Variants in HDAC6 observed in about 807,000 individuals in gnomAD.
The protein encoded by HDAC6 is protein deacetylase HDAC6.
A neutral mutation model predicts 88.9 loss-of-function variants in HDAC6; 5 were observed. That is an observed-to-expected ratio of 0.06 (90% CI 0.03 to 0.12). HDAC6 has a LOEUF of 0.12. Among genes scored for constraint, HDAC6 ranks in the 10% least tolerant of loss-of-function variants. HDAC6 has a pLI of 1.00. For missense variants in HDAC6, 706 were observed against 1,014.4 expected, an observed-to-expected ratio of 0.70 and a Z score of 4.13; for synonymous variants, 378 against 398.0, an observed-to-expected ratio of 0.95 and a Z score of 0.60.
In HDAC6 at chrX:48,824,965, G is replaced by A; in HGVS notation, c.*353G>A. The A allele has an allele frequency of 9.9e-7, 1 of 1,011,874 alleles. No individual in the cohort carries two copies. Among genetic ancestry groups the A allele is most frequent in the Non-Finnish European group, 1.3e-6 (1 of 782,392 alleles). The allele number at this position is 1,011,874 out of a possible 1,213,427, so 83.4% of individuals were successfully genotyped here. On this transcript the variant is annotated 3_prime_UTR_variant, in exon 29 of 29. Coordinates refer to ENST00000334136, the MANE Select transcript of HDAC6 (RefSeq NM_006044.4). ...AGGTTGCATATGTAATAAAGTACAA[G>A]CTGTTAAAAAACCTGGAGAAAGCTT...
Position 48,814,524 on chromosome X carries a change from C to G in HDAC6, c.891C>G (p.Phe297Leu). 1 of 1,211,912 alleles carries G rather than the reference C, an allele frequency of 8.3e-7. No homozygotes were observed. Among genetic ancestry groups the G allele is most frequent in the Non-Finnish European group, 1.1e-6 (1 of 895,371 alleles). Residue 297 changes from phenylalanine (F) to leucine (L), a missense_variant, in exon 11 of 29, where the codon TTC becomes TTG. Around this residue, in one of 9 missense-constraint regions of HDAC6, gnomAD observed 193 missense variants for 258.2 expected, o/e 0.75. Coordinates refer to ENST00000334136, the MANE Select transcript of HDAC6 (RefSeq NM_006044.4). ...LKASNWSTTG[F>L]GQGQGYTINV... is the part of the protein sequence containing the mutation. ...CCTCTAACTGGTCCACCACAGGTTT[C>G]GGCCAAGGCCAAGGATATACCATCA... is the stretch of plus-strand genomic sequence containing the variant.
chrX:48,819,729 G>A (rs2063049363), intron 22 of HDAC6: 1 of 260,890 alleles, frequency 3.8e-6, no homozygotes, highest in Non-Finnish European at 7.1e-6. Flanking sequence ...ATTTTTAGTA[G>A]AGACAGGGTT....
intron 6 of HDAC6, chrX:48,805,923 T>C: frequency 2.3e-6 from 1 of 429,280 alleles, no homozygotes; most frequent in Non-Finnish European, 4.1e-6. Flanking sequence ...GCTATTACTG[T>C]TATCATGATC....
rs1557028372 is a variant in HDAC6 at position 48,818,247 on chromosome X, T to C, written c.2022T>C (p.Tyr674=). 1 of 1,193,117 alleles carries C rather than the reference T, an allele frequency of 8.4e-7. No individual in the cohort carries two copies. The highest frequency in any genetic ancestry group is 2.3e-5 in the Admixed American group (1 of 43,223). Residue 674 remains tyrosine (Y), a synonymous_variant, in exon 22 of 29, where the codon TAT becomes TAC. Transcript: ENST00000334136. The part of the protein sequence containing the change: ...PSVLYVSLHR[Y]DHGTFFPMGD... ...TGCTATATGTGTCCCTGCACCGCTA[T>C]GATCATGGCACCTTCTTCCCCATGG...
In HDAC6 at chrX:48,815,431, C is replaced by T; in HGVS notation, c.1197C>T (p.Leu399=). 8.3e-7 allele frequency: 1 copy of T among 1,208,574 alleles called. No individual in the cohort carries two copies. Among genetic ancestry groups the T allele is most frequent in the South Asian group, 1.8e-5 (1 of 56,361 alleles). The change falls in exon 15 of 29, where the codon CTC becomes CTT. Residue 399 remains leucine (L), a synonymous_variant. Transcript: ENST00000334136. ...RALAEGVSAS[L]HTLLGDPCPM... ...TGGCTGAAGGCGTCAGTGCTTCGCT[C>T]CACACCCTTCTGGGAGACCCTTGCC...
rs782811110 is a variant in HDAC6, at chrX:48,822,652, C to T, written c.2370C>T (p.Ser790=). 17 of 1,203,354 alleles carry T rather than the reference C, an allele frequency of 1.4e-5. No individual in the cohort carries two copies. The highest frequency in any genetic ancestry group is 1.7e-5 in the Non-Finnish European group (15 of 891,376). Residue 790 remains serine (S), a synonymous_variant, in exon 24 of 29, where the codon TCC becomes TCT. Coordinates refer to ENST00000334136, the MANE Select transcript of HDAC6 (RefSeq NM_006044.4). ...GGYNLTSISE[S]MAACTRSLLG... ...ATAACCTGACATCCATCTCAGAGTC[C>T]ATGGCTGCCTGCACTCGCTCCCTCC...
Position 48,816,571 on chromosome X carries a change from G to A in HDAC6, c.1729G>A (p.Ala577Thr), listed in dbSNP as rs1557027734. 2.5e-6 allele frequency: 3 copies of A among 1,211,234 alleles called. No homozygotes were observed. Among genetic ancestry groups the A allele is most frequent in the South Asian group, 1.8e-5 (1 of 56,892 alleles). ...CATCTATATCTGCCCCAGTACCTTCGCCTGTGCACAGCTTGCCACTGGCGC... is the reference window on the plus strand; with the variant it reads ...CATCTATATCTGCCCCAGTACCTTCACCTGTGCACAGCTTGCCACTGGCGC... ...DSIYICPSTF[A>T]CAQLATGAAC... is the part of the protein sequence containing the mutation. Residue 577 changes from alanine to threonine, a missense_variant, in exon 19 of 29, where the codon GCC (alanine) becomes ACC (threonine). Transcript: ENST00000334136.
Position 48,823,146 on chromosome X carries a change from G to T in HDAC6, c.2747G>T (p.Gly916Val), listed in dbSNP as rs200111431. 1.7e-5 allele frequency: 21 copies of T among 1,208,510 alleles called. No homozygotes were observed. The Admixed American group carries it at 4.4e-4, about 25-fold the overall frequency. The change falls in exon 25 of 29, where the codon GGG becomes GTG. Residue 916 changes from glycine to valine, a missense_variant. By Grantham distance (109) the Gly-to-Val change is moderately radical. Transcript: ENST00000334136. Reference sequence around the variant, plus strand: ...GACCAGCCCTCAGAGGCAGCCACAGGGGGAGCCACTCTGGCCCAGACCATT... The same window carrying T: ...GACCAGCCCTCAGAGGCAGCCACAGTGGGAGCCACTCTGGCCCAGACCATT... The part of the protein sequence containing the change: ...TQDQPSEAAT[G>V]GATLAQTISE...
intron 20 of HDAC6, 53 bp from the exon 21 acceptor site, chrX:48,817,988 C>T: frequency 9.1e-7 from 1 of 1,096,593 alleles, no homozygotes; most frequent in Non-Finnish European, 1.2e-6. Flanking sequence ...CTAGCCCAGC[C>T]CTCTTCCAGG....
Position 48,822,690 on chromosome X carries a change from C to G in HDAC6, c.2408C>G (p.Pro803Arg). 1.7e-6 allele frequency: 2 copies of G among 1,209,569 alleles called. No homozygotes were observed. The highest frequency in any genetic ancestry group is 2.2e-6 in the Non-Finnish European group (2 of 893,704). The change falls in exon 24 of 29, where the codon CCA (proline) becomes CGA (arginine). Residue 803 changes from proline (P) to arginine (R), a missense_variant. This residue lies in a region of HDAC6 where 138 missense variants were observed against 303.5 expected (regional missense o/e 0.45). Coordinates refer to ENST00000334136, the MANE Select transcript of HDAC6 (RefSeq NM_006044.4). Reference sequence around the variant, plus strand: ...ACTCGCTCCCTCCTTGGAGACCCACCACCCCTGCTGACCCTGCCACGGCCC... The same window carrying G: ...ACTCGCTCCCTCCTTGGAGACCCACGACCCCTGCTGACCCTGCCACGGCCC... Reference protein sequence around the residue: ...ACTRSLLGDPPPLLTLPRPPL... With the variant: ...ACTRSLLGDPRPLLTLPRPPL...
Position 48,820,234 on chromosome X carries a change from C to T in HDAC6, c.2316C>T (p.Gly772=). Residue 772 remains glycine (G), a synonymous_variant, in exon 23 of 29, where the codon GGC becomes GGT. Coordinates refer to ENST00000334136, the MANE Select transcript of HDAC6 (RefSeq NM_006044.4). The part of the protein sequence containing the change: ...LTHLLMGLAS[G]RIILILEGGY... ...ACCTGCTGATGGGCCTTGCCAGTGG[C>T]CGCATTATCCTTATCCTAGAGGTAA... 1 of 1,195,145 alleles carries T rather than the reference C, an allele frequency of 8.4e-7. No homozygotes were observed. Among genetic ancestry groups the T allele is most frequent in the Non-Finnish European group, 1.1e-6 (1 of 887,045 alleles).
intron 2 of HDAC6, 27 bp from the exon 3 acceptor site, chrX:48,802,844 A>G (rs782046921): frequency 8.3e-7 from 1 of 1,205,673 alleles, no homozygotes; most frequent in African/African-American, 1.8e-5. Flanking sequence ...CATGCCCTGG[A>G]CTCTGACCCT....
At chrX:48,821,256 A>G (rs1368398345) in intron 23 of HDAC6, among the ~76,000 whole-genome samples, 2 of 106,031 alleles carry the variant, frequency 1.9e-5, no homozygotes, top group African/African-American at 6.9e-5. Context: ...CGCCCAGGCT[A>G]GAGTGCAGTG....
chrX:48,805,317 G>T (rs2062797407), intron 4 of HDAC6, 121 bp from the exon 5 acceptor site: 2 of 512,736 alleles, frequency 3.9e-6, no homozygotes, highest in Admixed American at 3.0e-5. Context: ...TGGGAGGCAG[G>T]ACTGACACCA....
At chrX:48,808,427 C>CTCA in intron 10 of HDAC6, 101 bp downstream of exon 10, 1 of 531,566 alleles carries the variant, frequency 1.9e-6, no homozygotes, top group Non-Finnish European at 3.2e-6. Context: ...CATTCACATT[C>CTCA]ATGGGGCCTA....
chrX:48,802,598 G>A, intron 1 of HDAC6, 65 bp from the exon 2 acceptor site: 2 of 1,157,820 alleles, frequency 1.7e-6, no homozygotes, highest in Admixed American at 2.6e-5. Context: ...GAAAAGGGCA[G>A]AGAGGTGGGG....
chrX:48,823,463 C>G lies in HDAC6; in HGVS notation c.3064C>G (p.Pro1022Ala). Residue 1022 changes from proline to alanine, a missense_variant, in exon 25 of 29, where the codon CCT (proline) becomes GCT (alanine). Coordinates refer to ENST00000334136, the MANE Select transcript of HDAC6 (RefSeq NM_006044.4). ...APGGTELIQT[P>A]LASSTDHQTP... ...AGGGGGCACCGAGCTGATCCAAACTCCTCTAGCCTCGAGCACAGACCACCA... is the reference window on the plus strand; with the variant it reads ...AGGGGGCACCGAGCTGATCCAAACTGCTCTAGCCTCGAGCACAGACCACCA... 8.3e-7 allele frequency: 1 copy of G among 1,210,881 alleles called. No homozygotes were observed. The highest frequency in any genetic ancestry group is 1.1e-6 in the Non-Finnish European group (1 of 895,032).
rs782736253 is a variant in HDAC6 at position 48,818,310 on chromosome X, G to T, written c.2085G>T (p.Ala695=). The T allele has an allele frequency of 8.3e-7, 1 of 1,204,491 alleles. No individual in the cohort carries two copies. Among genetic ancestry groups the T allele is most frequent in the African/African-American group, 1.7e-5 (1 of 57,465 alleles). Residue 695 remains alanine (A), a synonymous_variant, in exon 22 of 29, where the codon GCG becomes GCT. Transcript: ENST00000334136. ...EGASSQIGRA[A]GTGFTVNVAW... is the part of the protein sequence containing the mutation. Reference sequence around the variant, plus strand: ...CCAGCAGCCAGATCGGCCGGGCTGCGGGCACAGGCTTCACCGTCAACGTGG... The same window carrying T: ...CCAGCAGCCAGATCGGCCGGGCTGCTGGCACAGGCTTCACCGTCAACGTGG...
chrX:48,810,605 TA>T (rs1383367123), intron 10 of HDAC6: 3 of 109,040 alleles, frequency 2.8e-5, no homozygotes, highest in African/African-American at 1.0e-4. Flanking sequence ...TTTATTTATT[TA>T]TTTATTTATT....
Sources: gnomAD v4.1 joint callset for allele counts (sites outside exome capture counted in the v4.1 genomes callset) on GRCh38, gnomAD v4.1.1 for gene constraint, gnomAD v4.1.1 regional missense constraint, MANE v1.5 for transcripts, NCBI Gene and HGNC (gene_info 2026-07-23, HGNC 2026-07-21) for gene names.